The following CDH13 variants were observed in gnomAD, a reference collection of about 807,000 sequenced individuals.
CDH13 encodes cadherin-13.
A neutral mutation model predicts 63.8 loss-of-function variants in CDH13; 24 were observed. That is an observed-to-expected ratio of 0.38 (90% CI 0.27 to 0.53). The LOEUF (loss-of-function observed/expected upper bound fraction) is 0.53. CDH13 is among the 20% of genes least tolerant of loss of function. CDH13 has a pLI of 0.85. For synonymous variants in CDH13, 503 were observed against 355.3 expected, an observed-to-expected ratio of 1.42 and a Z score of -4.67; for missense variants, 1,049 against 903.1, an observed-to-expected ratio of 1.16 and a Z score of -2.07.
At chr16:83,270,681 G>A (rs1040326229) in intron 5 of CDH13, among the ~76,000 whole-genome samples, 3 of 152,196 alleles carry the variant, frequency 2.0e-5, no homozygotes, top group Admixed American at 2.0e-4. Flanking sequence ...ACGCTTAGAG[G>A]AGGCTTCATA....
intron 4 of CDH13, among the ~76,000 whole-genome samples, chr16:83,164,142 G>T (rs529684564): frequency 6.7e-6 from 1 of 149,864 alleles, no homozygotes; most frequent in Admixed American, 6.6e-5. Flanking sequence ...ACACTACAGC[G>T]TAGGTTGCTT....
At chr16:83,379,932 T>TAG (rs1221020454) in intron 6 of CDH13, among the ~76,000 whole-genome samples, 5 of 86,300 alleles carry the variant, frequency 5.8e-5, no homozygotes, top group South Asian at 8.6e-4. Flanking sequence ...TATATATATA[T>TAG]ATATATAGAG....
intron 1 of CDH13, among the ~76,000 whole-genome samples, chr16:82,774,108 T>A (rs1229415164): frequency 1.3e-5 from 2 of 151,544 alleles, no homozygotes; most frequent in African/African-American, 4.8e-5. Flanking sequence ...TATACCTAAT[T>A]ACTCATCATT....
intron 5 of CDH13, among the ~76,000 whole-genome samples, chr16:83,277,811 TA>T (rs1224295418): frequency 5.3e-5 from 8 of 152,222 alleles, no homozygotes; most frequent in East Asian, 1.9e-4. Flanking sequence ...GCTATGAGTT[TA>T]TTTTTTTAGT....
chr16:83,442,609 CAAG>C (rs2072511736), intron 6 of CDH13, among the ~76,000 whole-genome samples: 1 of 152,108 alleles, frequency 6.6e-6, no homozygotes, highest in Non-Finnish European at 1.5e-5. Flanking sequence ...CTTTCTATGA[CAAG>C]AAGCTTATAT....
intron 1 of CDH13, among the ~76,000 whole-genome samples, chr16:82,840,941 G>A (rs2038985237): frequency 6.6e-6 from 1 of 152,148 alleles, no homozygotes; most frequent in Admixed American, 6.6e-5. Context: ...CAATGAGTGA[G>A]GAGGCTTGGG....
intron 6 of CDH13, among the ~76,000 whole-genome samples, chr16:83,406,943 T>C (rs1219256177): frequency 6.6e-6 from 1 of 152,224 alleles, no homozygotes. Flanking sequence ...TTAAAATTAG[T>C]TTATGACTAT....
At position 83,184,144 on chromosome 16, in the gene CDH13, AG is replaced by A. The variant is rs2038438829; in HGVS notation, c.484-33200del. 4.7e-5 allele frequency among the ~76,000 whole-genome samples: 6 copies of A among 128,726 alleles called. No individual in the cohort carries two copies. The South Asian group carries it at 1.5e-3, about 32-fold the overall frequency. 84.4% of individuals were successfully genotyped at this position (128,726 alleles called of 152,430 possible). A position where few individuals can be genotyped will look rare whatever the true frequency, so the allele number is the denominator to read the frequency against. ...CACACACATACACACACACACAACTAGTAAAAAAAAAAAAAGTCAGAACAAT... is the reference window on the plus strand; with the variant it reads ...CACACACATACACACACACACAACTATAAAAAAAAAAAAAGTCAGAACAAT... On this transcript the variant is annotated intron_variant, in intron 4 of 13. Coordinates refer to ENST00000567109, the MANE Select transcript of CDH13 (RefSeq NM_001257.5).
intron 5 of CDH13, among the ~76,000 whole-genome samples, chr16:83,262,037 C>A (rs1280802878): frequency 6.6e-6 from 1 of 152,178 alleles, no homozygotes; most frequent in Non-Finnish European, 1.5e-5. Context: ...TTACCTGGTG[C>A]AGCTGTCTTC....
At chr16:83,174,345 ATC>A (rs1301321127) in intron 4 of CDH13, among the ~76,000 whole-genome samples, 3 of 152,078 alleles carry the variant, frequency 2.0e-5, no homozygotes, top group Admixed American at 6.6e-5. Flanking sequence ...ACTTGGCACT[ATC>A]TTTTTTTTCT....
At chr16:83,227,766 C>T (rs1229228023) in intron 5 of CDH13, among the ~76,000 whole-genome samples, 1 of 152,162 alleles carries the variant, frequency 6.6e-6, no homozygotes, top group Non-Finnish European at 1.5e-5. Flanking sequence ...GAGCCAGCGT[C>T]CACGCCAGGC....
At chr16:83,246,281 C>G (rs1904983651) in intron 5 of CDH13, among the ~76,000 whole-genome samples, 1 of 152,114 alleles carries the variant, frequency 6.6e-6, no homozygotes, top group South Asian at 2.1e-4. Context: ...AAAACTTGAA[C>G]AAGACATAGT....
At chr16:82,663,172 C>T (rs79492375) in intron 1 of CDH13, among the ~76,000 whole-genome samples, 13,030 of 152,078 alleles carry the variant, frequency 0.086, 585 homozygotes, top group African/African-American at 0.11. Context: ...TTAGCCTCCA[C>T]TAGGTTTTTT....
chr16:83,667,740 C>G (rs1172473483), intron 8 of CDH13, among the ~76,000 whole-genome samples: 1 of 152,176 alleles, frequency 6.6e-6, no homozygotes, highest in African/African-American at 2.4e-5. Context: ...TCACTGCAGC[C>G]TCAAACTCCT....
intron 5 of CDH13, among the ~76,000 whole-genome samples, chr16:83,298,627 T>A (rs1314711973): frequency 6.6e-6 from 1 of 152,204 alleles, no homozygotes; most frequent in African/African-American, 2.4e-5. Flanking sequence ...GTAACAAGTA[T>A]AGGCTAATTT....
At chr16:82,971,168 G>C (rs193024124) in intron 2 of CDH13, among the ~76,000 whole-genome samples, 102 of 152,228 alleles carry the variant, frequency 6.7e-4, no homozygotes, top group Non-Finnish European at 1.2e-3. Context: ...CTTCGAATGC[G>C]ATGACTCTAA....
At chr16:83,520,612 C>A (rs1352281852) in intron 7 of CDH13, among the ~76,000 whole-genome samples, 1 of 152,168 alleles carries the variant, frequency 6.6e-6, no homozygotes, top group Non-Finnish European at 1.5e-5. Flanking sequence ...TTCTTGTTTG[C>A]ATATAATTTT....
At chr16:83,447,147 G>A (rs1264826324) in intron 6 of CDH13, among the ~76,000 whole-genome samples, 3 of 97,074 alleles carry the variant, frequency 3.1e-5, no homozygotes, top group Non-Finnish European at 4.3e-5. Flanking sequence ...GGATGCGGTG[G>A]CTCACGCCTG....
At chr16:83,061,727 T>C (rs535724687) in intron 3 of CDH13, among the ~76,000 whole-genome samples, 19 of 152,252 alleles carry the variant, frequency 1.2e-4, no homozygotes, top group African/African-American at 3.4e-4. Context: ...GTGATAAATA[T>C]ATGAAATGAG....
Sources: allele counts gnomAD v4.1 joint callset (sites outside exome capture counted in the v4.1 genomes callset), GRCh38; gene constraint gnomAD v4.1.1; transcripts MANE v1.5; gene names NCBI Gene and HGNC (gene_info 2026-07-23, HGNC 2026-07-21).